The following ADAMTS5 variants were observed in gnomAD, a reference collection of about 807,000 sequenced individuals.
ADAMTS5 encodes the protein A disintegrin and metalloproteinase with thrombospondin motifs 5.
A neutral mutation model predicts 81.4 loss-of-function variants in ADAMTS5; 54 were observed. That is an observed-to-expected ratio of 0.66 (90% confidence interval 0.53 to 0.83). The LOEUF (loss-of-function observed/expected upper bound fraction) is 0.83, where lower values mean the gene tolerates loss of function less well. Among genes scored for constraint, ADAMTS5 ranks in the 40% least tolerant of loss-of-function variants. The pLI, the probability that ADAMTS5 is intolerant of heterozygous loss-of-function variation, is 0.00. For synonymous variants in ADAMTS5, 532 were observed against 508.8 expected (o/e 1.05, Z -0.61); for missense variants, 1,194 against 1,229.9 (o/e 0.97, Z 0.44).
chr21:26,960,787 T>C (rs1262955060), intron 1 of ADAMTS5, among the ~76,000 whole-genome samples: 1 of 152,220 alleles, frequency 6.6e-6, no homozygotes, highest in Non-Finnish European at 1.5e-5. Context: ...TGGGTTGTTA[T>C]TATCTTCTCC....
rs1344716799 is a variant in ADAMTS5, at chr21:26,966,635, G to GC, written c.-245_-244insG. On this transcript the variant is annotated 5_prime_UTR_variant, in exon 1 of 8. Transcript: ENST00000284987. ...TCGTGCTCCAGAAAGAGGTGGGGTGGGGGGGGGGGGAAAGAAAAGATTAAA... is the reference window on the plus strand; with the variant it reads ...TCGTGCTCCAGAAAGAGGTGGGGTGGCGGGGGGGGGGAAAGAAAAGATTAAA... 3.2e-5 allele frequency: 2 copies of GC among 62,068 alleles called. No individual in the cohort carries two copies. The highest frequency in any genetic ancestry group is 5.9e-5 in the Non-Finnish European group (2 of 33,882). 3.8% of individuals were successfully genotyped at this position (62,068 alleles called of 1,614,324 possible). A position where few individuals can be genotyped will look rare whatever the true frequency, so the allele number is the denominator to read the frequency against.
At chr21:26,937,578 T>A (rs894130646) in intron 3 of ADAMTS5, among the ~76,000 whole-genome samples, 1 of 152,174 alleles carries the variant, frequency 6.6e-6, no homozygotes, top group Middle Eastern at 3.2e-3. Flanking sequence ...CAAGAAACAG[T>A]AACAAAAATC....
rs1986874557 is a variant in ADAMTS5 at position 26,929,935 on chromosome 21, C to T, written c.2176G>A (p.Gly726Arg). The change falls in exon 7 of 8, where the codon GGA (glycine) becomes AGA (arginine). Residue 726 changes from glycine to arginine, a missense_variant. Physicochemically the swap from Gly to Arg is moderately radical, Grantham distance 125 (BLOSUM62 -2). Transcript: ENST00000284987. ...LQYDKCGVCG[G>R]DNSSCTKIVG... ...ATCTTTGTACAGCTGGAGTTGTCTC[C>T]TCCACATACTCCGCACTTGTCATAC... 2.5e-6 allele frequency: 4 copies of T among 1,613,904 alleles called. No individual in the cohort carries two copies. The highest frequency in any genetic ancestry group is 3.4e-6 in the Non-Finnish European group (4 of 1,179,966).
chr21:26,940,815 T>C (rs1172131472), intron 3 of ADAMTS5, among the ~76,000 whole-genome samples: 1 of 152,154 alleles, frequency 6.6e-6, no homozygotes, highest in African/African-American at 2.4e-5. Context: ...TCTCCCATGC[T>C]CTGTAGTTGA....
intron 4 of ADAMTS5, 62 bp downstream of exon 4, chr21:26,934,404 A>G: frequency 6.3e-7 from 1 of 1,592,572 alleles, no homozygotes; most frequent in East Asian, 2.2e-5. Context: ...GCCCATACCC[A>G]TCACAAGAAT....
At chr21:26,943,268 C>T in intron 3 of ADAMTS5, 112 bp downstream of exon 3, 2 of 1,100,224 alleles carry the variant, frequency 1.8e-6, no homozygotes, top group Non-Finnish European at 2.6e-6. Flanking sequence ...ACACTATCCA[C>T]ACAACTATTG....
intron 1 of ADAMTS5, among the ~76,000 whole-genome samples, chr21:26,957,236 C>T (rs1474712490): frequency 6.6e-6 from 1 of 152,166 alleles, no homozygotes; most frequent in Non-Finnish European, 1.5e-5. Flanking sequence ...TGATTTCTAA[C>T]AACATTTATA....
chr21:26,940,420 ACCATGTTG>A (rs1987092144), intron 3 of ADAMTS5, among the ~76,000 whole-genome samples: 2 of 152,170 alleles, frequency 1.3e-5, no homozygotes. Context: ...AACTTGAGGG[ACCATGTTG>A]GTGAGATAGG....
intron 7 of ADAMTS5, among the ~76,000 whole-genome samples, chr21:26,927,984 G>T (rs1017794109): frequency 6.6e-6 from 1 of 152,058 alleles, no homozygotes; most frequent in African/African-American, 2.4e-5. Context: ...GAAAGACTGA[G>T]TTGCCATTTA....
In ADAMTS5 at chr21:26,922,456, C is replaced by T. The variant is rs928851058; in HGVS notation, c.*1597G>A. 6.6e-6 allele frequency: 1 copy of T among 152,106 alleles called. No homozygotes were observed. Among genetic ancestry groups the T allele is most frequent in the East Asian group, 1.9e-4 (1 of 5,180 alleles). 9.4% of individuals were successfully genotyped at this position (152,106 alleles called of 1,614,324 possible). On this transcript the variant is annotated 3_prime_UTR_variant, in exon 8 of 8. Transcript: ENST00000284987. ...AAGATCTTCACATGCAAATCTTTAA[C>T]AATAGGCACATTTGGCAGGATTACT...
intron 7 of ADAMTS5, among the ~76,000 whole-genome samples, chr21:26,926,869 TG>T (rs1267636150): frequency 1.3e-5 from 2 of 152,170 alleles, no homozygotes; most frequent in Non-Finnish European, 2.9e-5. Flanking sequence ...GAAGCTTTTT[TG>T]GGTGTTTACC....
intron 2 of ADAMTS5, among the ~76,000 whole-genome samples, chr21:26,951,425 G>A (rs183989899): frequency 2.0e-4 from 31 of 151,956 alleles, no homozygotes; most frequent in South Asian, 6.2e-4. Context: ...CATTTTCATC[G>A]CCATACTTTG....
intron 1 of ADAMTS5, among the ~76,000 whole-genome samples, chr21:26,963,473 T>G (rs532626013): frequency 1.9e-4 from 28 of 151,276 alleles, no homozygotes; most frequent in African/African-American, 6.5e-4. Context: ...TGTTTAAAAA[T>G]GAAAGTGAAC....
intron 2 of ADAMTS5, among the ~76,000 whole-genome samples, chr21:26,951,598 G>GA (rs753993379): frequency 3.6e-5 from 5 of 138,946 alleles, no homozygotes; most frequent in Non-Finnish European, 6.1e-5. Flanking sequence ...AGAATCTCTT[G>GA]AACCTGGGAG....
intron 4 of ADAMTS5, among the ~76,000 whole-genome samples, chr21:26,933,967 G>A (rs1986962690): frequency 6.6e-6 from 1 of 152,178 alleles, no homozygotes; most frequent in Non-Finnish European, 1.5e-5. Context: ...TATAGTGGCA[G>A]ACGTGTTTCC....
intron 2 of ADAMTS5, among the ~76,000 whole-genome samples, chr21:26,943,965 C>G (rs967421766): frequency 6.6e-6 from 1 of 152,204 alleles, no homozygotes; most frequent in African/African-American, 2.4e-5. Context: ...CTCCCATATA[C>G]TGTTGAAACC....
chr21:26,966,395 G>T lies in ADAMTS5; in HGVS notation c.-4C>A. 7.0e-7 allele frequency: 1 copy of T among 1,437,516 alleles called. No homozygotes were observed. Among genetic ancestry groups the T allele is most frequent in the Non-Finnish European group, 9.0e-7 (1 of 1,108,640 alleles). The allele number at this position is 1,437,516 out of a possible 1,614,324, so 89.0% of individuals were successfully genotyped here. A position where few individuals can be genotyped will look rare whatever the true frequency, so the allele number is the denominator to read the frequency against. On this transcript the variant is annotated 5_prime_UTR_variant, in exon 1 of 8. Coordinates refer to ENST00000284987, the MANE Select transcript of ADAMTS5 (RefSeq NM_007038.5). Reference sequence around the variant, plus strand: ...GGGACGCCCACCCGAGCAGCATAGTGCGCTGCCCGCGGGGAGGGGCTGCGC... The same window carrying T: ...GGGACGCCCACCCGAGCAGCATAGTTCGCTGCCCGCGGGGAGGGGCTGCGC...
chr21:26,946,317 C>T (rs762999794), intron 2 of ADAMTS5, among the ~76,000 whole-genome samples: 4 of 152,130 alleles, frequency 2.6e-5, no homozygotes, highest in Non-Finnish European at 4.4e-5. Context: ...TAGTTGAAAT[C>T]GGCCTTGAAA....
rs1986645525 is a variant in ADAMTS5 at position 26,919,383 on chromosome 21, A to T, written c.*4670T>A. 6.6e-6 allele frequency: 1 copy of T among 151,990 alleles called. No homozygotes were observed. Among genetic ancestry groups the T allele is most frequent in the Admixed American group, 6.6e-5 (1 of 15,240 alleles). 9.4% of individuals were successfully genotyped at this position (151,990 alleles called of 1,614,324 possible). A position where few individuals can be genotyped will look rare whatever the true frequency, so the allele number is the denominator to read the frequency against. ...TGGTCCAGTTAGTTGAAGCCACAAA[A>T]TAAAGACCAGAGACAGCAAAATTAT... is the stretch of plus-strand genomic sequence containing the variant. On this transcript the variant is annotated 3_prime_UTR_variant, in exon 8 of 8. Transcript: ENST00000284987.
Sources: allele counts gnomAD v4.1 joint callset (sites outside exome capture counted in the v4.1 genomes callset), GRCh38; gene constraint gnomAD v4.1.1; transcripts MANE v1.5; gene names NCBI Gene and HGNC (gene_info 2026-07-23, HGNC 2026-07-21).